VPS50: variants seen among roughly 807,000 people sequenced by gnomAD.
The protein encoded by VPS50 is syndetin.
VPS50 carries 70 observed loss-of-function variants against 139.7 expected under a neutral mutation model. That is an observed-to-expected ratio of 0.50 (90% CI 0.41 to 0.61). The LOEUF (loss-of-function observed/expected upper bound fraction) is 0.61, where lower values mean the gene tolerates loss of function less well. Ranked by LOEUF, VPS50 falls within the 20% of genes least tolerant of loss-of-function variation. The pLI, the probability that VPS50 is intolerant of heterozygous loss-of-function variation, is 0.00. For synonymous variants in VPS50, 365 were observed against 376.7 expected (o/e 0.97, Z 0.36); for missense variants, 921 against 1,133.7 (o/e 0.81, Z 2.69).
chr7:93,344,779 A>G (rs1290686575), intron 23 of VPS50, among the ~76,000 whole-genome samples: 2 of 152,048 alleles, frequency 1.3e-5, no homozygotes, highest in Admixed American at 1.3e-4. Flanking sequence ...TTTGAAACCA[A>G]CAAGAACAAA....
At chr7:93,296,621 C>T (rs953693940) in intron 14 of VPS50, 121 bp from the exon 15 acceptor site, 42 of 1,465,682 alleles carry the variant, frequency 2.9e-5, no homozygotes, top group Non-Finnish European at 3.4e-5. Context: ...AATAGATATT[C>T]GTTAACAAAT....
At chr7:93,278,433 C>CAA (rs544585879) in intron 12 of VPS50, among the ~76,000 whole-genome samples, 5 of 141,544 alleles carry the variant, frequency 3.5e-5, no homozygotes, top group African/African-American at 1.0e-4. Flanking sequence ...ACTAAAAATA[C>CAA]AAAAAAAAAA....
intron 22 of VPS50, among the ~76,000 whole-genome samples, chr7:93,338,943 AC>A (rs1798138546): frequency 1.3e-5 from 2 of 152,290 alleles, no homozygotes; most frequent in African/African-American, 4.8e-5. Context: ...TCCGGAAGGA[AC>A]AAACAAGAGA....
Position 93,294,528 on chromosome 7 carries a change from T to A in VPS50, c.1076-17T>A, listed in dbSNP as rs1238488622. On this transcript the variant is annotated splice_polypyrimidine_tract_variant and intron_variant, in intron 13 of 27. Transcript: ENST00000305866. ...ATTGGATTAAATCTAAAAATATATA[T>A]TGTCTTTTATTTTCAGAAGGGAGTA... 11 of 1,497,942 alleles carry A rather than the reference T, an allele frequency of 7.3e-6. No individual in the cohort carries two copies. Among genetic ancestry groups the A allele is most frequent in the Non-Finnish European group, 8.9e-6 (10 of 1,119,866 alleles). The allele number at this position is 1,497,942 out of a possible 1,614,324, so 92.8% of individuals were successfully genotyped here. A position where few individuals can be genotyped will look rare whatever the true frequency, so the allele number is the denominator to read the frequency against.
At chr7:93,238,698 T>A (rs188035571) in intron 1 of VPS50, among the ~76,000 whole-genome samples, 1 of 152,212 alleles carries the variant, frequency 6.6e-6, no homozygotes, top group Non-Finnish European at 1.5e-5. Context: ...TTTAACAAGT[T>A]CCCTGGGTGG....
intron 20 of VPS50, among the ~76,000 whole-genome samples, chr7:93,321,649 C>T (rs1248782130): frequency 2.0e-5 from 3 of 152,114 alleles, no homozygotes; most frequent in African/African-American, 7.2e-5. Flanking sequence ...TGGTGAGGAA[C>T]AGCTATTTTT....
intron 21 of VPS50, among the ~76,000 whole-genome samples, chr7:93,327,430 C>T (rs1346506839): frequency 6.6e-6 from 1 of 152,100 alleles, no homozygotes; most frequent in Non-Finnish European, 1.5e-5. Flanking sequence ...CATGATTTCC[C>T]AGCTCATTAT....
chr7:93,251,131 A>C (rs1462741776), intron 2 of VPS50, among the ~76,000 whole-genome samples: 2 of 152,222 alleles, frequency 1.3e-5, no homozygotes, highest in Non-Finnish European at 2.9e-5. Context: ...CAATTCCTCA[A>C]GGATCTAGAA....
chr7:93,237,730 C>T (rs959199893), intron 1 of VPS50, among the ~76,000 whole-genome samples: 3 of 152,174 alleles, frequency 2.0e-5, no homozygotes, highest in African/African-American at 4.8e-5. Context: ...GTATTTTCCA[C>T]TTATAATGGG....
intron 20 of VPS50, among the ~76,000 whole-genome samples, chr7:93,321,905 T>C (rs1473097242): frequency 6.6e-6 from 1 of 152,214 alleles, no homozygotes; most frequent in African/African-American, 2.4e-5. Flanking sequence ...TTATTTTATA[T>C]GTTAACAAGT....
intron 2 of VPS50, among the ~76,000 whole-genome samples, chr7:93,245,313 G>A (rs28576441): frequency 0.022 from 3,276 of 151,820 alleles, 131 homozygotes; most frequent in African/African-American, 0.074. Context: ...CATTTAAAAA[G>A]CAGAATTTAA....
intron 18 of VPS50, among the ~76,000 whole-genome samples, chr7:93,307,995 GT>G (rs761040229): frequency 4.6e-5 from 7 of 151,886 alleles, no homozygotes; most frequent in Non-Finnish European, 1.0e-4. Context: ...AGAAGTGTCT[GT>G]ATGATTAAAT....
intron 27 of VPS50, 87 bp downstream of exon 27, chr7:93,356,167 G>T: frequency 1.6e-6 from 1 of 639,914 alleles, no homozygotes; most frequent in Non-Finnish European, 2.5e-6. Flanking sequence ...TCAAAATCAT[G>T]AGAGTGAAAT....
At chr7:93,304,740 A>G (rs1048635619) in intron 17 of VPS50, among the ~76,000 whole-genome samples, 3 of 151,882 alleles carry the variant, frequency 2.0e-5, no homozygotes, top group African/African-American at 7.2e-5. Context: ...ATCTAGGTGA[A>G]CATTATCTCC....
chr7:93,293,468 C>T (rs998844620), intron 13 of VPS50, among the ~76,000 whole-genome samples: 1 of 152,096 alleles, frequency 6.6e-6, no homozygotes, highest in Non-Finnish European at 1.5e-5. Context: ...TTTGCCTAAT[C>T]TGTATATTTT....
chr7:93,248,465 T>C (rs1461171431), intron 2 of VPS50, among the ~76,000 whole-genome samples: 1 of 152,112 alleles, frequency 6.6e-6, no homozygotes, highest in Middle Eastern at 3.2e-3. Context: ...TGTTTATTTT[T>C]CTAATTTACA....
At chr7:93,306,409 C>G (rs1331458299) in intron 18 of VPS50, among the ~76,000 whole-genome samples, 3 of 151,870 alleles carry the variant, frequency 2.0e-5, no homozygotes, top group African/African-American at 4.8e-5. Context: ...TTCCATGTCC[C>G]TTTATCTAAG....
chr7:93,280,733 T>C (rs1796300915), intron 12 of VPS50, among the ~76,000 whole-genome samples: 1 of 152,142 alleles, frequency 6.6e-6, no homozygotes, highest in African/African-American at 2.4e-5. Context: ...AGGATGTTAT[T>C]GATTAATTTT....
Position 93,268,322 on chromosome 7 carries a change from A to AT in VPS50, c.660-2888dup, listed in dbSNP as rs372411308. The stretch of plus-strand genomic sequence containing the variant: ...ACATATGCAGATTCATTAGGAAGCT[A>AT]TTTTTTTTTTCATTATTTTAAGTTC... On this transcript the variant is annotated intron_variant, in intron 9 of 27. Transcript: ENST00000305866. 1.0e-2 allele frequency among the ~76,000 whole-genome samples: 1,496 copies of AT among 149,788 alleles called. 14 individuals carry two copies. The highest frequency in any genetic ancestry group is 0.024 in the African/African-American group (995 of 40,808).
Sources: allele counts gnomAD v4.1 joint callset (sites outside exome capture counted in the v4.1 genomes callset), GRCh38; gene constraint gnomAD v4.1.1; transcripts MANE v1.5; gene names NCBI Gene and HGNC (gene_info 2026-07-23, HGNC 2026-07-21).